The following PTPRD variants were observed in gnomAD, a reference collection of about 807,000 sequenced individuals.
PTPRD encodes the protein receptor-type tyrosine-protein phosphatase delta.
PTPRD carries 34 observed loss-of-function variants against 214.5 expected under a neutral mutation model. The ratio of observed to expected loss-of-function variants is 0.16; its 90% CI spans 0.12 to 0.21. PTPRD has a LOEUF of 0.21. Ranked by LOEUF, PTPRD falls within the 10% of genes least tolerant of loss-of-function variation. PTPRD has a pLI of 1.00. For synonymous variants in PTPRD, 1,128 were observed against 845.7 expected, an observed-to-expected ratio of 1.33 and a Z score of -5.79; for missense variants, 2,545 against 2,398.7, an observed-to-expected ratio of 1.06 and a Z score of -1.27.
At chr9:8,733,535 A>G (rs1565647062) in intron 12 of PTPRD, among the ~76,000 whole-genome samples, 1 of 152,216 alleles carries the variant, frequency 6.6e-6, no homozygotes, top group Non-Finnish European at 1.5e-5. Flanking sequence ...GAGGTATAAA[A>G]AAATAAATAA....
At chr9:8,831,788 A>T (rs201524948) in intron 11 of PTPRD, among the ~76,000 whole-genome samples, 2 of 152,190 alleles carry the variant, frequency 1.3e-5, no homozygotes, top group Non-Finnish European at 2.9e-5. Flanking sequence ...CTACATTGTA[A>T]ACACTGCAAA....
intron 10 of PTPRD, among the ~76,000 whole-genome samples, chr9:9,060,761 C>A (rs913358905): frequency 6.6e-6 from 1 of 152,072 alleles, no homozygotes; most frequent in East Asian, 1.9e-4. Context: ...GTGTCGTAAC[C>A]TACTCACTAT....
At chr9:8,986,363 GA>G (rs1030071310) in intron 11 of PTPRD, among the ~76,000 whole-genome samples, 1 of 151,924 alleles carries the variant, frequency 6.6e-6, no homozygotes, top group African/African-American at 2.4e-5. Flanking sequence ...ATGTAGAGAA[GA>G]AAACAGAACC....
intron 36 of PTPRD, among the ~76,000 whole-genome samples, chr9:8,391,977 GA>G (rs1432950753): frequency 3.3e-5 from 5 of 149,838 alleles, no homozygotes; most frequent in African/African-American, 1.3e-4. Context: ...GTTTAACAAG[GA>G]GGGGGTAGGC....
intron 9 of PTPRD, among the ~76,000 whole-genome samples, chr9:9,301,850 T>C (rs968631266): frequency 1.3e-5 from 2 of 151,914 alleles, no homozygotes; most frequent in Admixed American, 1.3e-4. Flanking sequence ...ATTCATACTT[T>C]TGTGAATAAC....
At chr9:9,551,272 AT>A (rs1348266847) in intron 8 of PTPRD, among the ~76,000 whole-genome samples, 2 of 152,004 alleles carry the variant, frequency 1.3e-5, no homozygotes, top group Non-Finnish European at 2.9e-5. Flanking sequence ...GAAAAATCTT[AT>A]AAAGCTGACA....
intron 12 of PTPRD, chr9:8,713,589 G>T (rs1446751849): frequency 2.0e-6 from 3 of 1,522,742 alleles, no homozygotes; most frequent in Non-Finnish European, 1.8e-6. Context: ...CCCACAACAT[G>T]TACCGGGAAT....
chr9:10,301,967 C>A (rs201895888), intron 3 of PTPRD, among the ~76,000 whole-genome samples: 1 of 152,086 alleles, frequency 6.6e-6, no homozygotes, highest in African/African-American at 2.4e-5. Flanking sequence ...GACACATAAT[C>A]GTCAGATTCA....
At chr9:10,394,021 G>A (rs1015306827) in intron 2 of PTPRD, among the ~76,000 whole-genome samples, 8 of 146,284 alleles carry the variant, frequency 5.5e-5, no homozygotes, top group African/African-American at 1.5e-4. Flanking sequence ...TACAGAAGAA[G>A]AGACAAACAA....
intron 35 of PTPRD, among the ~76,000 whole-genome samples, chr9:8,433,049 C>G (rs960529581): frequency 6.6e-6 from 1 of 152,190 alleles, no homozygotes; most frequent in Non-Finnish European, 1.5e-5. Flanking sequence ...TTATTGCATT[C>G]AATAGATGCA....
intron 5 of PTPRD, among the ~76,000 whole-genome samples, chr9:9,914,404 C>G (rs1294296264): frequency 6.6e-6 from 1 of 152,198 alleles, no homozygotes; most frequent in Non-Finnish European, 1.5e-5. Context: ...CAGGTGTCCA[C>G]CCCTAGTGGA....
intron 11 of PTPRD, among the ~76,000 whole-genome samples, chr9:8,783,524 A>G (rs964871605): frequency 2.0e-5 from 3 of 152,218 alleles, no homozygotes; most frequent in African/African-American, 7.2e-5. Context: ...TTTTGCAGAT[A>G]AAAAAGCCCA....
intron 3 of PTPRD, among the ~76,000 whole-genome samples, chr9:10,201,734 C>A (rs2099424863): frequency 6.6e-6 from 1 of 151,972 alleles, no homozygotes; most frequent in African/African-American, 2.4e-5. Context: ...ACAAAGCAAA[C>A]ATATATGTAA....
intron 5 of PTPRD, among the ~76,000 whole-genome samples, chr9:9,916,523 CTA>C (rs374409149): frequency 0.012 from 1,771 of 151,078 alleles, 17 homozygotes; most frequent in Non-Finnish European, 0.019. Context: ...AATCCTCTCT[CTA>C]TATATATATA....
At chr9:9,420,156 AAC>A (rs2078257727) in intron 8 of PTPRD, among the ~76,000 whole-genome samples, 2 of 151,872 alleles carry the variant, frequency 1.3e-5, no homozygotes, top group South Asian at 4.1e-4. Flanking sequence ...CAAAATTATC[AAC>A]AGATTAATCA....
intron 11 of PTPRD, among the ~76,000 whole-genome samples, chr9:8,912,726 A>G (rs2098756800): frequency 6.6e-6 from 1 of 152,218 alleles, no homozygotes. Context: ...TTTAAAAAAT[A>G]TATTCATTGT....
chr9:9,671,050 G>A (rs901607301), intron 7 of PTPRD, among the ~76,000 whole-genome samples: 15 of 152,090 alleles, frequency 9.9e-5, no homozygotes, highest in African/African-American at 3.4e-4. Flanking sequence ...CCATTCACCT[G>A]GAAAAACCAC....
chr9:8,931,077 C>G (rs138202900), intron 11 of PTPRD, among the ~76,000 whole-genome samples: 150 of 152,100 alleles, frequency 9.9e-4, no homozygotes, highest in Non-Finnish European at 9.9e-4. Flanking sequence ...TTTTCTTCTA[C>G]GGTTTTTATG....
At chr9:10,542,762 AG>A (rs2059393461) in intron 2 of PTPRD, among the ~76,000 whole-genome samples, 1 of 152,084 alleles carries the variant, frequency 6.6e-6, no homozygotes, top group African/African-American at 2.4e-5. Context: ...CTTGTTGCCC[AG>A]GCTGGAGTGC....
Sources: gnomAD v4.1 joint callset for allele counts (sites outside exome capture counted in the v4.1 genomes callset) on GRCh38, gnomAD v4.1.1 for gene constraint, MANE v1.5 for transcripts, NCBI Gene and HGNC (gene_info 2026-07-23, HGNC 2026-07-21) for gene names.